RORA: variants seen among roughly 807,000 people sequenced by gnomAD.
RORA encodes RAR related orphan receptor A, also known as nuclear receptor ROR-alpha.
A neutral mutation model predicts 69.5 loss-of-function variants in RORA; 7 were observed. The ratio of observed to expected loss-of-function variants is 0.10; its 90% CI spans 0.06 to 0.19. The LOEUF (loss-of-function observed/expected upper bound fraction) is 0.19. RORA is among the 10% of genes least tolerant of loss of function. RORA has a pLI of 1.00. For missense variants in RORA, 457 were observed against 663.0 expected (o/e 0.69, Z 3.41); for synonymous variants, 261 against 240.8 (o/e 1.08, Z -0.78).
intron 1 of RORA, among the ~76,000 whole-genome samples, chr15:60,995,899 G>A (rs191556397): frequency 3.3e-5 from 5 of 152,270 alleles, no homozygotes; most frequent in East Asian, 3.9e-4. Flanking sequence ...GGGGAAAATC[G>A]TTTTCTTGCA....
At chr15:60,871,968 C>T (rs2073561620) in intron 1 of RORA, among the ~76,000 whole-genome samples, 1 of 152,204 alleles carries the variant, frequency 6.6e-6, no homozygotes, top group Non-Finnish European at 1.5e-5. Context: ...CAGAAACTCT[C>T]TGCATTATCT....
intron 1 of RORA, among the ~76,000 whole-genome samples, chr15:60,828,635 C>G (rs1250247668): frequency 2.0e-5 from 3 of 152,180 alleles, no homozygotes; most frequent in Non-Finnish European, 2.9e-5. Flanking sequence ...AGAGAAAGCT[C>G]CTGGGAGGCA....
chr15:60,650,208 G>C (rs76225840), intron 2 of RORA, among the ~76,000 whole-genome samples: 1 of 149,838 alleles, frequency 6.7e-6, no homozygotes, highest in Non-Finnish European at 1.5e-5. Flanking sequence ...AAAGGCCTGA[G>C]GAAAAAAAAA....
At chr15:61,121,945 T>C (rs2079108668) in intron 1 of RORA, among the ~76,000 whole-genome samples, 1 of 151,628 alleles carries the variant, frequency 6.6e-6, no homozygotes, top group Admixed American at 6.6e-5. Context: ...GATAGTAGAA[T>C]AATGTCATCT....
At chr15:61,224,667 C>T (rs544450912) in intron 1 of RORA, among the ~76,000 whole-genome samples, 5 of 152,202 alleles carry the variant, frequency 3.3e-5, no homozygotes, top group South Asian at 2.1e-4. Context: ...TTGTCTCACT[C>T]GAATTCCAAA....
intron 1 of RORA, among the ~76,000 whole-genome samples, chr15:60,894,309 T>C (rs1291691415): frequency 6.6e-6 from 1 of 152,228 alleles, no homozygotes; most frequent in East Asian, 1.9e-4. Flanking sequence ...ATGTTAATGC[T>C]TGTCCAGAGT....
intron 1 of RORA, among the ~76,000 whole-genome samples, chr15:61,057,378 C>A (rs2078110991): frequency 6.6e-6 from 1 of 152,176 alleles, no homozygotes; most frequent in African/African-American, 2.4e-5. Flanking sequence ...GACTTTTATG[C>A]CCCACACTCA....
intron 1 of RORA, among the ~76,000 whole-genome samples, chr15:61,029,628 T>C (rs1211469864): frequency 1.3e-5 from 2 of 151,906 alleles, no homozygotes; most frequent in African/African-American, 4.8e-5. Flanking sequence ...GTGAAGAGAT[T>C]AGAAAGATGT....
chr15:60,611,241 G>T (rs2069077663), intron 2 of RORA, among the ~76,000 whole-genome samples: 1 of 152,068 alleles, frequency 6.6e-6, no homozygotes, highest in Admixed American at 6.5e-5. Flanking sequence ...GACCTCAGAA[G>T]ATCTCCAAGG....
chr15:60,784,147 T>C (rs1246557720), intron 1 of RORA, among the ~76,000 whole-genome samples: 3 of 152,222 alleles, frequency 2.0e-5, no homozygotes, highest in Non-Finnish European at 4.4e-5. Context: ...GAGAGAATTA[T>C]TCCTTACTCT....
intron 1 of RORA, among the ~76,000 whole-genome samples, chr15:60,975,569 T>C (rs1385215724): frequency 1.3e-5 from 2 of 152,154 alleles, no homozygotes; most frequent in South Asian, 2.1e-4. Context: ...ATTCAGAACA[T>C]GTTTGCCTTG....
At chr15:61,149,613 T>C (rs1051913606) in intron 1 of RORA, among the ~76,000 whole-genome samples, 5 of 152,190 alleles carry the variant, frequency 3.3e-5, no homozygotes, top group Non-Finnish European at 5.9e-5. Flanking sequence ...GAAAATACCC[T>C]GACCCCATGA....
intron 2 of RORA, among the ~76,000 whole-genome samples, chr15:60,622,992 A>G (rs2069459990): frequency 6.6e-6 from 1 of 152,250 alleles, no homozygotes; most frequent in Admixed American, 6.5e-5. Context: ...CTGGGATTAC[A>G]GGCATGAGCC....
intron 1 of RORA, among the ~76,000 whole-genome samples, chr15:60,802,461 A>G (rs2072598472): frequency 6.6e-6 from 1 of 152,178 alleles, no homozygotes; most frequent in African/African-American, 2.4e-5. Context: ...TAAATACTTC[A>G]TGAGGCCCAT....
At chr15:60,543,012 C>T (rs1300948854) in intron 2 of RORA, among the ~76,000 whole-genome samples, 7 of 147,526 alleles carry the variant, frequency 4.7e-5, no homozygotes, top group Non-Finnish European at 1.0e-4. Context: ...ACATGTGGGC[C>T]TACACACGAG....
At chr15:60,853,938 G>T (rs1324752195) in intron 1 of RORA, among the ~76,000 whole-genome samples, 1 of 152,178 alleles carries the variant, frequency 6.6e-6, no homozygotes, top group Non-Finnish European at 1.5e-5. Flanking sequence ...AAGATTAAAT[G>T]TGAGGAAAAA....
At chr15:60,928,086 T>C (rs1470548970) in intron 1 of RORA, among the ~76,000 whole-genome samples, 1 of 152,176 alleles carries the variant, frequency 6.6e-6, no homozygotes, top group African/African-American at 2.4e-5. Flanking sequence ...TCACATTCCC[T>C]GGCACTAGAG....
intron 1 of RORA, among the ~76,000 whole-genome samples, chr15:61,048,331 CT>C (rs1897135040): frequency 6.6e-6 from 1 of 152,160 alleles, no homozygotes; most frequent in Admixed American, 6.5e-5. Context: ...GAAACGAGAC[CT>C]GAACACTGTG....
At chr15:60,950,666 C>A (rs2140333538) in intron 1 of RORA, among the ~76,000 whole-genome samples, 1 of 66,402 alleles carries the variant, frequency 1.5e-5, no homozygotes, top group African/African-American at 6.1e-5. Flanking sequence ...AGACTTTAAA[C>A]CAACAAAGAT....
Sources: allele counts gnomAD v4.1 joint callset (sites outside exome capture counted in the v4.1 genomes callset), GRCh38; gene constraint gnomAD v4.1.1; transcripts MANE v1.5; gene names NCBI Gene and HGNC (gene_info 2026-07-23, HGNC 2026-07-21).